Variants in CHAT observed in about 807,000 individuals in gnomAD.
CHAT encodes the protein acetyl CoA:choline O-acetyltransferase.
CHAT carries 61 observed loss-of-function variants against 76.9 expected under a neutral mutation model. The observed-to-expected ratio is 0.79, with a 90% CI of 0.65 to 0.98. The LOEUF is 0.98. CHAT is among the 50% of genes least tolerant of loss of function. The pLI, the probability that CHAT is intolerant of heterozygous loss-of-function variation, is 0.00. For synonymous variants in CHAT, 407 were observed against 397.4 expected (o/e 1.02, Z -0.29); for missense variants, 946 against 986.9 (o/e 0.96, Z 0.56).
upstream of CHAT, chr10:49,614,017 G>A: frequency 1.7e-6 from 2 of 1,201,440 alleles, no homozygotes; most frequent in South Asian, 1.4e-5. Context: ...TAATGGGGTT[G>A]GGGAAGTGCG....
chr10:49,615,192 G>A (rs1438360263), intron 1 of CHAT, among the ~76,000 whole-genome samples: 3 of 152,124 alleles, frequency 2.0e-5, no homozygotes, highest in Non-Finnish European at 4.4e-5. Context: ...AGAGCAAAAG[G>A]AGGCATTGGC....
intron 11 of CHAT, among the ~76,000 whole-genome samples, chr10:49,653,284 G>A (rs1294833669): frequency 6.6e-6 from 1 of 152,036 alleles, no homozygotes; most frequent in African/African-American, 2.4e-5. Context: ...GCAGGGGAGA[G>A]GTCAATTAGC....
intron 7 of CHAT, among the ~76,000 whole-genome samples, chr10:49,638,536 C>T (rs147196924): frequency 3.9e-5 from 6 of 152,098 alleles, no homozygotes; most frequent in African/African-American, 1.2e-4. Context: ...GTGGGTTACC[C>T]GAACATTTTT....
At chr10:49,661,219 C>T (rs1840185560) in intron 13 of CHAT, 1 of 152,182 alleles carries the variant, frequency 6.6e-6, no homozygotes, top group African/African-American at 2.4e-5. Context: ...GGCTCTGAGC[C>T]AAACAACCTG....
chr10:49,611,823 G>C (rs943388046), upstream of CHAT: 1 of 1,603,782 alleles, frequency 6.2e-7, no homozygotes. Context: ...TGTACGGCGC[G>C]CTTGGGCTGG....
chr10:49,659,505 T>A (rs1840128250), intron 13 of CHAT, among the ~76,000 whole-genome samples: 1 of 152,116 alleles, frequency 6.6e-6, no homozygotes, highest in Admixed American at 6.5e-5. Context: ...AATCAGTCCA[T>A]AAAGAAGCAA....
chr10:49,647,761 TTC>T (rs1441813866), intron 8 of CHAT, among the ~76,000 whole-genome samples: 2 of 18,516 alleles, frequency 1.1e-4, no homozygotes, highest in Admixed American at 1.6e-3. Context: ...CCTTCCTTCC[TTC>T]CTTCCTTCCT....
At chr10:49,628,621 C>T (rs1839006396) in intron 7 of CHAT, among the ~76,000 whole-genome samples, 2 of 152,232 alleles carry the variant, frequency 1.3e-5, no homozygotes, top group Admixed American at 6.5e-5. Flanking sequence ...CATCCAGGTG[C>T]ATGCAGTGCT....
intron 2 of CHAT, among the ~76,000 whole-genome samples, chr10:49,617,447 T>C (rs528019414): frequency 6.6e-6 from 1 of 152,282 alleles, no homozygotes; most frequent in African/African-American, 2.4e-5. Context: ...GGAGCATTGA[T>C]CTGAGACTCC....
chr10:49,620,736 C>G, intron 4 of CHAT, 123 bp downstream of exon 4: 1 of 782,652 alleles, frequency 1.3e-6, no homozygotes, highest in Non-Finnish European at 2.2e-6. Flanking sequence ...GGTCAAATGC[C>G]CCGAGACAGT....
chr10:49,621,932 A>G (rs904427002), intron 4 of CHAT, among the ~76,000 whole-genome samples, 165 bp from the exon 5 acceptor site: 1 of 1,778 alleles, frequency 5.6e-4, no homozygotes, highest in Non-Finnish European at 1.2e-3. Flanking sequence ...ATGGGCGATC[A>G]CAGAGTTTGG....
At chr10:49,649,439 A>G (rs2132811473) in intron 9 of CHAT, 69 bp from the exon 10 acceptor site, 1 of 1,610,286 alleles carries the variant, frequency 6.2e-7, no homozygotes, top group East Asian at 2.2e-5. Context: ...GATTGCACAG[A>G]GCAAAGAAGA....
upstream of CHAT, among the ~76,000 whole-genome samples, chr10:49,609,449 G>T (rs1838231700): frequency 1.3e-5 from 2 of 151,830 alleles, no homozygotes; most frequent in African/African-American, 4.8e-5. Flanking sequence ...GGAGGAGTTA[G>T]AGTGGGGAGG....
intron 10 of CHAT, among the ~76,000 whole-genome samples, chr10:49,650,386 T>C (rs1003767046): frequency 6.6e-6 from 1 of 152,114 alleles, no homozygotes. Flanking sequence ...GAAACAGCCA[T>C]GCTGACCTGA....
At position 49,666,189 on chromosome 10, in the gene CHAT, G is replaced by C. The variant is rs1192211175; in HGVS notation, c.*1143G>C. Among the ~76,000 whole-genome samples, 1 of 152,132 alleles carries C rather than the reference G, an allele frequency of 6.6e-6. No homozygotes were observed. The highest frequency in any genetic ancestry group is 1.5e-5 in the Non-Finnish European group (1 of 68,026). ...AGGGACTTAGGGGACAGCTGGCAGG[G>C]AGCAGGGCTGGGAGGAGGGCACAGC... On this transcript the variant is annotated 3_prime_UTR_variant, in exon 15 of 15. Coordinates refer to ENST00000337653, the MANE Select transcript of CHAT (RefSeq NM_020549.5).
chr10:49,646,236 A>G (rs1400172616), intron 7 of CHAT, among the ~76,000 whole-genome samples: 1 of 152,180 alleles, frequency 6.6e-6, no homozygotes, highest in Non-Finnish European at 1.5e-5. Context: ...ACACATCTGG[A>G]GGAGAGCTGG....
At chr10:49,653,358 A>G (rs916955967) in intron 11 of CHAT, among the ~76,000 whole-genome samples, 3 of 152,182 alleles carry the variant, frequency 2.0e-5, no homozygotes, top group Non-Finnish European at 4.4e-5. Context: ...CCAGCTCCTG[A>G]CAGTTCCAGG....
At chr10:49,638,927 T>C (rs1839382685) in intron 7 of CHAT, among the ~76,000 whole-genome samples, 1 of 151,672 alleles carries the variant, frequency 6.6e-6, no homozygotes, top group African/African-American at 2.4e-5. Flanking sequence ...TTACCATTTC[T>C]TTTCTTTTAA....
At chr10:49,616,212 G>A in intron 1 of CHAT, 1 of 1,053,556 alleles carries the variant, frequency 9.5e-7, no homozygotes, top group Non-Finnish European at 1.5e-6. Flanking sequence ...TGGTGGATTT[G>A]GATTGCCCCA....
Sources: gnomAD v4.1 joint callset for allele counts (sites outside exome capture counted in the v4.1 genomes callset) on GRCh38, gnomAD v4.1.1 for gene constraint, MANE v1.5 for transcripts, NCBI Gene and HGNC (gene_info 2026-07-23, HGNC 2026-07-21) for gene names.